The following LARP1B variants were observed in gnomAD, a reference collection of about 807,000 sequenced individuals.
LARP1B encodes la-related protein 1B.
A neutral mutation model predicts 114.2 loss-of-function variants in LARP1B; 76 were observed. The ratio of observed to expected loss-of-function variants is 0.67; its 90% CI spans 0.55 to 0.81. LARP1B has a LOEUF of 0.81. LARP1B is among the 30% of genes least tolerant of loss of function. The pLI is 0.00. For synonymous variants in LARP1B, 345 were observed against 348.0 expected (o/e 0.99, Z 0.10); for missense variants, 1,014 against 1,075.8 (o/e 0.94, Z 0.80).
At chr4:128,102,506 C>T (rs1350599969) in intron 8 of LARP1B, among the ~76,000 whole-genome samples, 1 of 152,168 alleles carries the variant, frequency 6.6e-6, no homozygotes, top group African/African-American at 2.4e-5. Context: ...TTTGAATATG[C>T]TCAAGTTTTT....
chr4:128,214,357 G>C (rs897932007), downstream of LARP1B, among the ~76,000 whole-genome samples: 1 of 148,174 alleles, frequency 6.7e-6, no homozygotes, highest in Non-Finnish European at 1.5e-5. Flanking sequence ...GCAGGGCACA[G>C]ACAAACAAAA....
chr4:128,181,444 C>T (rs1480380440), intron 15 of LARP1B, among the ~76,000 whole-genome samples: 1 of 152,136 alleles, frequency 6.6e-6, no homozygotes, highest in Non-Finnish European at 1.5e-5. Flanking sequence ...TCCTCAGGTG[C>T]TGGGATTACA....
At chr4:128,114,178 G>A (rs563291239) in intron 9 of LARP1B, among the ~76,000 whole-genome samples, 1 of 152,132 alleles carries the variant, frequency 6.6e-6, no homozygotes, top group Admixed American at 6.6e-5. Flanking sequence ...AATAAGATGT[G>A]CATTTAGCTT....
intron 12 of LARP1B, among the ~76,000 whole-genome samples, chr4:128,170,086 G>T (rs1742902421): frequency 6.6e-6 from 1 of 152,034 alleles, no homozygotes; most frequent in Admixed American, 6.5e-5. Flanking sequence ...TGTATTCGGT[G>T]TAATTTCCAA....
At chr4:128,094,559 A>C (rs1291711295) in intron 7 of LARP1B, among the ~76,000 whole-genome samples, 1 of 151,492 alleles carries the variant, frequency 6.6e-6, no homozygotes, top group African/African-American at 2.4e-5. Context: ...GGCACGTGAC[A>C]CTGCGCCCAG....
intron 4 of LARP1B, among the ~76,000 whole-genome samples, chr4:128,081,186 C>A (rs112867025): frequency 6.7e-6 from 1 of 150,276 alleles, no homozygotes; most frequent in Non-Finnish European, 1.5e-5. Context: ...TTAAGGAATT[C>A]TCCTGTCTCA....
At chr4:128,156,697 G>T (rs757721615) in intron 11 of LARP1B, among the ~76,000 whole-genome samples, 9 of 152,066 alleles carry the variant, frequency 5.9e-5, no homozygotes, top group Non-Finnish European at 1.2e-4. Context: ...CGCACAGCTT[G>T]GGAGGTGCCC....
At chr4:128,140,826 T>A (rs572408748) in intron 11 of LARP1B, among the ~76,000 whole-genome samples, 1 of 145,110 alleles carries the variant, frequency 6.9e-6, no homozygotes. Flanking sequence ...TTGTCTCTGT[T>A]TTTTTTTTTG....
At position 128,210,291 on chromosome 4, in the gene LARP1B, G is replaced by T. The variant is rs1758746590; in HGVS notation, c.*238G>T. On this transcript the variant is annotated 3_prime_UTR_variant, in exon 20 of 20. Transcript: ENST00000326639. Reference sequence around the variant, plus strand: ...TGATTTCACAAACAAGGATAGTCTTGGTGACCTTTTATAGAGATCTTCTAG... The same window carrying T: ...TGATTTCACAAACAAGGATAGTCTTTGTGACCTTTTATAGAGATCTTCTAG... 7.5e-7 allele frequency: 1 copy of T among 1,328,790 alleles called. No homozygotes were observed. The highest frequency in any genetic ancestry group is 9.6e-7 in the Non-Finnish European group (1 of 1,038,504). 82.3% of individuals were successfully genotyped at this position (1,328,790 alleles called of 1,614,324 possible). A position where few individuals can be genotyped will look rare whatever the true frequency, so the allele number is the denominator to read the frequency against.
At chr4:128,176,664 T>G (rs1450433873) in intron 12 of LARP1B, among the ~76,000 whole-genome samples, 3 of 152,190 alleles carry the variant, frequency 2.0e-5, no homozygotes, top group Admixed American at 6.5e-5. Flanking sequence ...ATTCCTTTGA[T>G]GAGGATACAT....
downstream of LARP1B, among the ~76,000 whole-genome samples, chr4:128,213,843 CG>C (rs1759295866): frequency 6.6e-6 from 1 of 152,124 alleles, no homozygotes; most frequent in African/African-American, 2.4e-5. Context: ...CAGCTCCCAG[CG>C]TGAGCGACGC....
rs749704801 is a variant in LARP1B at position 128,210,715 on chromosome 4, C to A, written c.*662C>A. 32 of 985,086 alleles carry A rather than the reference C, an allele frequency of 3.2e-5. No homozygotes were observed. The highest frequency in any genetic ancestry group is 3.7e-5 in the Non-Finnish European group (31 of 829,800). The allele number at this position is 985,086 out of a possible 1,614,324, so 61.0% of individuals were successfully genotyped here. A position where few individuals can be genotyped will look rare whatever the true frequency, so the allele number is the denominator to read the frequency against. Reference sequence around the variant, plus strand: ...ATGCTAGGTTTTGCTTTTCTCCCCCCAGTCATATCTCATGATTTCCACAGT... The same window carrying A: ...ATGCTAGGTTTTGCTTTTCTCCCCCAAGTCATATCTCATGATTTCCACAGT... On this transcript the variant is annotated 3_prime_UTR_variant, in exon 20 of 20. Coordinates refer to ENST00000326639, the MANE Select transcript of LARP1B (RefSeq NM_018078.4).
chr4:128,091,268 T>C, intron 6 of LARP1B, 79 bp from the exon 7 acceptor site: 1 of 1,511,218 alleles, frequency 6.6e-7, no homozygotes, highest in South Asian at 1.3e-5. Context: ...TTGTTAACCT[T>C]TGAAGTTCTT....
chr4:128,073,908 G>A (rs1010326122), intron 1 of LARP1B, among the ~76,000 whole-genome samples: 3 of 150,222 alleles, frequency 2.0e-5, no homozygotes, highest in Non-Finnish European at 3.0e-5. Context: ...GTTAATGAGA[G>A]GATTGTTCTG....
chr4:128,214,698 C>A (rs1480750737), downstream of LARP1B, among the ~76,000 whole-genome samples: 1 of 63,990 alleles, frequency 1.6e-5, no homozygotes, highest in Non-Finnish European at 3.0e-5. Flanking sequence ...GGGGAAAAAA[C>A]AGAACAGAAA....
At chr4:128,091,825 G>A (rs1027187654) in intron 7 of LARP1B, among the ~76,000 whole-genome samples, 1 of 152,108 alleles carries the variant, frequency 6.6e-6, no homozygotes, top group South Asian at 2.1e-4. Flanking sequence ...TTGAACTCCC[G>A]GCCTCAGCTG....
intron 15 of LARP1B, among the ~76,000 whole-genome samples, chr4:128,190,424 T>C (rs1160309979): frequency 6.6e-6 from 1 of 152,216 alleles, no homozygotes; most frequent in Non-Finnish European, 1.5e-5. Context: ...GATACTCTTA[T>C]TTGGATTGAA....
chr4:128,204,754 G>A (rs1284476730), intron 17 of LARP1B, among the ~76,000 whole-genome samples: 1 of 151,986 alleles, frequency 6.6e-6, no homozygotes, highest in Non-Finnish European at 1.5e-5. Flanking sequence ...TTGAGGGGAT[G>A]GATACTCCAT....
chr4:128,143,025 G>A (rs1318199577), intron 11 of LARP1B, among the ~76,000 whole-genome samples: 7 of 151,798 alleles, frequency 4.6e-5, no homozygotes, highest in South Asian at 4.2e-4. Context: ...GGTGGCTCAC[G>A]CCTGTAATCC....
Sources: gnomAD v4.1 joint callset for allele counts (sites outside exome capture counted in the v4.1 genomes callset) on GRCh38, gnomAD v4.1.1 for gene constraint, MANE v1.5 for transcripts, NCBI Gene and HGNC (gene_info 2026-07-23, HGNC 2026-07-21) for gene names.